EEA1: variants seen among roughly 807,000 people sequenced by gnomAD.
The protein encoded by EEA1 is early endosome antigen 1, 162kD.
EEA1 carries 111 observed loss-of-function variants against 209.2 expected under a neutral mutation model. That is an observed-to-expected ratio of 0.53 (90% CI 0.45 to 0.62). The LOEUF is 0.62. Among genes scored for constraint, EEA1 ranks in the 20% least tolerant of loss-of-function variants. EEA1 has a pLI of 0.00. For missense variants in EEA1, 1,343 were observed against 1,530.8 expected (o/e 0.88, Z 2.05); for synonymous variants, 536 against 540.6 (o/e 0.99, Z 0.12).
At chr12:92,806,006 G>A (rs1057251511) in intron 18 of EEA1, among the ~76,000 whole-genome samples, 13 of 151,982 alleles carry the variant, frequency 8.6e-5, no homozygotes, top group Non-Finnish European at 1.3e-4. Flanking sequence ...ATTAGAATAA[G>A]GCTACATACT....
intron 20 of EEA1, among the ~76,000 whole-genome samples, chr12:92,800,606 T>A (rs1267463933): frequency 6.6e-6 from 1 of 152,208 alleles, no homozygotes; most frequent in African/African-American, 2.4e-5. Context: ...ATATATGATA[T>A]AACCAATGAT....
chr12:92,884,385 G>A lies in EEA1; in HGVS notation c.117+7244C>T, dbSNP rs571587582. ...GGTTCTAGAAACTTTGGCGGTGGTC[G>A]TGGAGGTGGTTTTGGCAGGAATGAC... On this transcript the variant is annotated intron_variant, in intron 2 of 28. Coordinates refer to ENST00000322349, the MANE Select transcript of EEA1 (RefSeq NM_003566.4). 1.1e-4 allele frequency: 140 copies of A among 1,239,668 alleles called. No individual in the cohort carries two copies. The African/African-American group carries it at 1.4e-3, about 12-fold the overall frequency. The allele number at this position is 1,239,668 out of a possible 1,614,324, so 76.8% of individuals were successfully genotyped here. A position where few individuals can be genotyped will look rare whatever the true frequency, so the allele number is the denominator to read the frequency against.
chr12:92,884,476 T>C (rs941100999), intron 2 of EEA1: 45 of 1,483,550 alleles, frequency 3.0e-5, no homozygotes, highest in Non-Finnish European at 3.6e-5. Flanking sequence ...ATGGCTATAA[T>C]GGATTTGGTA....
chr12:92,793,924 C>A (rs1282452813), intron 21 of EEA1, among the ~76,000 whole-genome samples: 1 of 152,122 alleles, frequency 6.6e-6, no homozygotes, highest in Non-Finnish European at 1.5e-5. Flanking sequence ...AAAGAAACTA[C>A]CATCAGAGCG....
Position 92,832,607 on chromosome 12 carries a change from T to C in EEA1, c.1159A>G (p.Lys387Glu), listed in dbSNP as rs757477523. 1.2e-6 allele frequency: 2 copies of C among 1,613,984 alleles called. No individual in the cohort carries two copies. The highest frequency in any genetic ancestry group is 1.3e-5 in the African/African-American group (1 of 74,946). The change falls in exon 11 of 29, where the codon AAG becomes GAG. Residue 387 changes from lysine (K) to glutamate (E), a missense_variant. Coordinates refer to ENST00000322349, the MANE Select transcript of EEA1 (RefSeq NM_003566.4). Reference protein sequence around the residue: ...LKEELSEVETKYQHLKAEFKQ... With the variant: ...LKEELSEVETEYQHLKAEFKQ... ...AACTCCGCCTTTAGATGCTGGTACTTGGTCTCTACCTCAGATAATTCTTCT... is the reference window on the plus strand; with the variant it reads ...AACTCCGCCTTTAGATGCTGGTACTCGGTCTCTACCTCAGATAATTCTTCT...
intron 2 of EEA1, among the ~76,000 whole-genome samples, chr12:92,882,255 G>C (rs916901867): frequency 6.6e-6 from 1 of 151,802 alleles, no homozygotes; most frequent in Non-Finnish European, 1.5e-5. Flanking sequence ...TTACAGTCAC[G>C]TGCCACCATG....
At chr12:92,915,490 C>CA (rs138932780) in intron 1 of EEA1, among the ~76,000 whole-genome samples, 14,401 of 151,936 alleles carry the variant, frequency 0.095, 800 homozygotes, top group South Asian at 0.2. Context: ...CAAAACAAAA[C>CA]AAAAACAAAA....
At chr12:92,924,961 A>AG (rs1213232614) in intron 1 of EEA1, among the ~76,000 whole-genome samples, 3 of 151,828 alleles carry the variant, frequency 2.0e-5, no homozygotes, top group African/African-American at 7.3e-5. Flanking sequence ...TGGGCAACTA[A>AG]TCTGGGAAGC....
intron 3 of EEA1, among the ~76,000 whole-genome samples, chr12:92,863,460 G>A (rs1399698803): frequency 6.6e-6 from 1 of 152,206 alleles, no homozygotes; most frequent in African/African-American, 2.4e-5. Context: ...CCACATGAAA[G>A]AGAATTGAAG....
In EEA1 at chr12:92,853,966, C is replaced by A; in HGVS notation, c.367-12G>T. 6.4e-7 allele frequency: 1 copy of A among 1,566,112 alleles called. No individual in the cohort carries two copies. The highest frequency in any genetic ancestry group is 2.4e-5 in the East Asian group (1 of 42,236). ...TCAGGTTTGGCCTCCTCAATTAAAACAAAAGACATAAACAAATGAATTAAA... is the reference window on the plus strand; with the variant it reads ...TCAGGTTTGGCCTCCTCAATTAAAAAAAAAGACATAAACAAATGAATTAAA... On this transcript the variant is annotated splice_polypyrimidine_tract_variant and intron_variant, in intron 5 of 28. Coordinates refer to ENST00000322349, the MANE Select transcript of EEA1 (RefSeq NM_003566.4).
At chr12:92,801,771 C>T (rs1592709362) in intron 19 of EEA1, 70 bp from the exon 20 acceptor site, 1 of 1,068,318 alleles carries the variant, frequency 9.4e-7, no homozygotes, top group East Asian at 2.8e-5. Flanking sequence ...AGTTTATAAC[C>T]TTAGTAAGAT....
At chr12:92,895,310 T>A (rs1731314084) in intron 1 of EEA1, 2 of 152,176 alleles carry the variant, frequency 1.3e-5, no homozygotes, top group South Asian at 4.1e-4. Flanking sequence ...TACAGGTGCC[T>A]GCCACCAAGG....
In EEA1 at chr12:92,816,392, T is replaced by A; in HGVS notation, c.1737A>T (p.Gln579His). 6.2e-7 allele frequency: 1 copy of A among 1,613,722 alleles called. No individual in the cohort carries two copies. ...KNHTLQEQVT[Q>H]LTEKLKNQSE... is the part of the protein sequence containing the mutation. ...ACTGATTCTTCAGCTTCTCTGTTAG[T>A]TGAGTTACCTGTTATACAAGTAAGA... is the stretch of plus-strand genomic sequence containing the variant. The change falls in exon 15 of 29, where the codon CAA becomes CAT. Residue 579 changes from glutamine to histidine, a missense_variant. Coordinates refer to ENST00000322349, the MANE Select transcript of EEA1 (RefSeq NM_003566.4).
At chr12:92,820,752 AAAGTATATATATATAT>A (rs1376475306) in intron 13 of EEA1, among the ~76,000 whole-genome samples, 3 of 106,966 alleles carry the variant, frequency 2.8e-5, no homozygotes, top group Non-Finnish European at 5.6e-5. Flanking sequence ...CCCAGAGCTT[AAAGTATATATATATAT>A]ATATATACAC....
chr12:92,923,316 C>A (rs1212878374), intron 1 of EEA1, among the ~76,000 whole-genome samples: 1 of 152,174 alleles, frequency 6.6e-6, no homozygotes. Context: ...CCACTGCACT[C>A]CAGCCTGGGC....
At chr12:92,777,908 G>A in intron 26 of EEA1, 33 bp downstream of exon 26, 1 of 1,567,256 alleles carries the variant, frequency 6.4e-7, no homozygotes, top group Non-Finnish European at 8.8e-7. Flanking sequence ...CACTTACAAT[G>A]GAAATAAACT....
chr12:92,829,232 G>T lies in EEA1; in HGVS notation c.1255-1171C>A, dbSNP rs546360933. ...TGTGGCAGGAGAATCGCTTGAACCC[G>T]GGCGGCAGAGGTTGCAGTGAGCTGA... On this transcript the variant is annotated intron_variant, in intron 11 of 28. Coordinates refer to ENST00000322349, the MANE Select transcript of EEA1 (RefSeq NM_003566.4). Among the ~76,000 whole-genome samples, 3 of 151,902 alleles carry T rather than the reference G, an allele frequency of 2.0e-5. No homozygotes were observed. The East Asian group carries it at 5.8e-4, about 29-fold the overall frequency.
rs548067142 is a variant in EEA1 at position 92,878,307 on chromosome 12, G to T, written c.118-13320C>A. On this transcript the variant is annotated intron_variant, in intron 2 of 28. Coordinates refer to ENST00000322349, the MANE Select transcript of EEA1 (RefSeq NM_003566.4). Reference sequence around the variant, plus strand: ...ACAAAAACAAAAAACAAAAAAGGTGGGGGAACGGACTGAAGATATATCTGG... The same window carrying T: ...ACAAAAACAAAAAACAAAAAAGGTGTGGGAACGGACTGAAGATATATCTGG... Among the ~76,000 whole-genome samples, 8 of 152,208 alleles carry T rather than the reference G, an allele frequency of 5.3e-5. 1 individual carries two copies. In the East Asian group the frequency reaches 1.5e-3, roughly 29 times the overall value.
intron 2 of EEA1, among the ~76,000 whole-genome samples, chr12:92,875,501 T>G (rs1364172406): frequency 6.6e-6 from 1 of 152,038 alleles, no homozygotes; most frequent in Non-Finnish European, 1.5e-5. Context: ...ACATTGAAAA[T>G]GCATCCAGAA....
Sources: gnomAD v4.1 joint callset for allele counts (sites outside exome capture counted in the v4.1 genomes callset) on GRCh38, gnomAD v4.1.1 for gene constraint, MANE v1.5 for transcripts, NCBI Gene and HGNC (gene_info 2026-07-23, HGNC 2026-07-21) for gene names.